Variants in PHLPP1 observed in about 807,000 individuals in gnomAD.
The protein encoded by PHLPP1 is PH domain leucine-rich repeat-containing protein phosphatase 1.
PHLPP1 carries 42 observed loss-of-function variants against 117.2 expected under a neutral mutation model. The ratio of observed to expected loss-of-function variants is 0.36; its 90% CI spans 0.28 to 0.46. The LOEUF is 0.46. Among genes scored for constraint, PHLPP1 ranks in the 20% least tolerant of loss-of-function variants. PHLPP1 has a pLI of 1.00. For missense variants in PHLPP1, 2,084 were observed against 2,241.9 expected (o/e 0.93, Z 1.42); for synonymous variants, 1,042 against 970.7 (o/e 1.07, Z -1.37).
intron 2 of PHLPP1, among the ~76,000 whole-genome samples, chr18:62,831,990 A>T (rs901340614): frequency 3.3e-5 from 5 of 152,176 alleles, no homozygotes; most frequent in African/African-American, 1.2e-4. Flanking sequence ...TGCCCTGTGG[A>T]TGGATGGATT....
chr18:62,953,005 C>T (rs952112635), intron 12 of PHLPP1, among the ~76,000 whole-genome samples: 3 of 152,180 alleles, frequency 2.0e-5, no homozygotes, highest in Non-Finnish European at 4.4e-5. Context: ...TTCAGACTGA[C>T]TCATTCAGTT....
intron 1 of PHLPP1, among the ~76,000 whole-genome samples, chr18:62,803,444 G>C (rs982757306): frequency 3.3e-5 from 5 of 151,746 alleles, no homozygotes; most frequent in Admixed American, 6.6e-5. Flanking sequence ...TGCTCATTTT[G>C]AGCTTTATAT....
chr18:62,748,427 C>T (rs1023313012), intron 1 of PHLPP1, among the ~76,000 whole-genome samples: 5 of 151,562 alleles, frequency 3.3e-5, no homozygotes, highest in Non-Finnish European at 7.4e-5. Context: ...TTAGTTTTTC[C>T]GTAGAGATGG....
chr18:62,941,984 A>T, intron 11 of PHLPP1, 66 bp downstream of exon 11: 3 of 1,273,280 alleles, frequency 2.4e-6, no homozygotes, highest in African/African-American at 1.5e-5. Flanking sequence ...AGAAAGGTGA[A>T]GGCTGAAATA....
intron 4 of PHLPP1, among the ~76,000 whole-genome samples, chr18:62,888,410 G>A (rs1392398959): frequency 6.7e-6 from 1 of 149,888 alleles, no homozygotes; most frequent in Non-Finnish European, 1.5e-5. Context: ...TCATTTATCT[G>A]GCTTACCTGG....
chr18:62,768,161 A>G (rs1440233984), intron 1 of PHLPP1, among the ~76,000 whole-genome samples: 1 of 152,226 alleles, frequency 6.6e-6, no homozygotes, highest in African/African-American at 2.4e-5. Context: ...TAAAGTTAAA[A>G]GTTTGAGAAC....
chr18:62,860,620 G>A lies in PHLPP1; in HGVS notation c.2066+19G>A. ...TGCAAAGGTAAGCCTGCAGAAATGG[G>A]TAGATCATTAGGAAGGGGTGGGGGC... is the stretch of plus-strand genomic sequence containing the variant. On this transcript the variant is annotated intron_variant, in intron 4 of 16. Transcript: ENST00000262719. 6.2e-7 allele frequency: 1 copy of A among 1,600,650 alleles called. No homozygotes were observed. Among genetic ancestry groups the A allele is most frequent in the Non-Finnish European group, 8.5e-7 (1 of 1,171,712 alleles).
At chr18:62,718,141 G>A (rs758697309) in intron 1 of PHLPP1, among the ~76,000 whole-genome samples, 1 of 152,172 alleles carries the variant, frequency 6.6e-6, no homozygotes, top group Non-Finnish European at 1.5e-5. Flanking sequence ...AGGAGCTATA[G>A]ATGCTGGATA....
intron 1 of PHLPP1, among the ~76,000 whole-genome samples, chr18:62,812,114 G>A (rs941725876): frequency 7.9e-5 from 12 of 152,138 alleles, no homozygotes; most frequent in South Asian, 2.1e-4. Context: ...TTGTAGGGAC[G>A]TGGCTCTTAA....
In PHLPP1 at chr18:62,915,028, T is replaced by A. The variant is rs1222812373; in HGVS notation, c.2804+20T>A. Reference sequence around the variant, plus strand: ...TGCCCGGTGAGTATTACAGATCAAATGAGAGGATCTCACAATAAATGAGCA... The same window carrying A: ...TGCCCGGTGAGTATTACAGATCAAAAGAGAGGATCTCACAATAAATGAGCA... On this transcript the variant is annotated intron_variant, in intron 9 of 16. Transcript: ENST00000262719. The A allele has an allele frequency of 1.3e-6, 2 of 1,523,166 alleles. No homozygotes were observed. Among genetic ancestry groups the A allele is most frequent in the Non-Finnish European group, 1.8e-6 (2 of 1,104,812 alleles). 94.4% of individuals were successfully genotyped at this position (1,523,166 alleles called of 1,614,324 possible).
chr18:62,968,672 G>A (rs1910970536), intron 14 of PHLPP1, among the ~76,000 whole-genome samples: 1 of 151,076 alleles, frequency 6.6e-6, no homozygotes, highest in Non-Finnish European at 1.5e-5. Context: ...TGAGTAGTTG[G>A]GACTGCAGGT....
At chr18:62,750,494 C>A (rs920951378) in intron 1 of PHLPP1, among the ~76,000 whole-genome samples, 1 of 152,120 alleles carries the variant, frequency 6.6e-6, no homozygotes, top group Non-Finnish European at 1.5e-5. Context: ...AAAGAAAAAG[C>A]CTTTACAGTC....
At chr18:62,798,442 ATATCTT>A (rs1913686044) in intron 1 of PHLPP1, among the ~76,000 whole-genome samples, 1 of 152,194 alleles carries the variant, frequency 6.6e-6, no homozygotes, top group Non-Finnish European at 1.5e-5. Context: ...CTACACTGAT[ATATCTT>A]ATGAAGCAAA....
At chr18:62,802,507 C>T (rs536347048) in intron 1 of PHLPP1, among the ~76,000 whole-genome samples, 1 of 152,236 alleles carries the variant, frequency 6.6e-6, no homozygotes, top group African/African-American at 2.4e-5. Context: ...CATCATAGTG[C>T]TAACTAAAGT....
intron 3 of PHLPP1, among the ~76,000 whole-genome samples, chr18:62,852,776 CTAAAG>C (rs1008352844): frequency 1.3e-4 from 20 of 152,158 alleles, no homozygotes; most frequent in African/African-American, 2.4e-5. Context: ...TACAACTTTA[CTAAAG>C]TATAGAGGGG....
intron 8 of PHLPP1, 82 bp from the exon 9 acceptor site, chr18:62,914,827 TTTTA>T: frequency 1.1e-6 from 1 of 886,368 alleles, no homozygotes. Flanking sequence ...TTATTTGAGG[TTTTA>T]TTTATTCTTT....
chr18:62,820,387 C>G (rs554067039), intron 1 of PHLPP1, among the ~76,000 whole-genome samples: 4 of 152,340 alleles, frequency 2.6e-5, no homozygotes, highest in African/African-American at 9.6e-5. Flanking sequence ...GCAAAATACA[C>G]ATTCTTTTCA....
chr18:62,897,695 CAG>C (rs912764834), intron 6 of PHLPP1, among the ~76,000 whole-genome samples: 10 of 152,142 alleles, frequency 6.6e-5, no homozygotes, highest in Admixed American at 5.2e-4. Context: ...TTACTGAAGA[CAG>C]GGGTTCACCA....
intron 3 of PHLPP1, chr18:62,839,876 C>A (rs2037512455): frequency 6.7e-6 from 1 of 149,768 alleles, no homozygotes; most frequent in African/African-American, 2.5e-5. Flanking sequence ...TTTCAGGTAA[C>A]CTGTGTAAGA....
Sources: allele counts gnomAD v4.1 joint callset (sites outside exome capture counted in the v4.1 genomes callset), GRCh38; gene constraint gnomAD v4.1.1; transcripts MANE v1.5; gene names NCBI Gene and HGNC (gene_info 2026-07-23, HGNC 2026-07-21).